PTPRG: variants seen among roughly 807,000 people sequenced by gnomAD.
PTPRG encodes the protein receptor-type tyrosine-protein phosphatase gamma.
PTPRG carries 102 observed loss-of-function variants against 165.3 expected under a neutral mutation model. That is an observed-to-expected ratio of 0.62 (90% CI 0.53 to 0.73). The LOEUF is 0.73. Among genes scored for constraint, PTPRG ranks in the 30% least tolerant of loss-of-function variants. The pLI, the probability that PTPRG is intolerant of heterozygous loss-of-function variation, is 0.00. For synonymous variants in PTPRG, 675 were observed against 669.5 expected (o/e 1.01, Z -0.13); for missense variants, 1,866 against 1,861.4 (o/e 1.00, Z -0.05).
chr3:62,275,978 A>C lies in PTPRG; in HGVS notation c.3559+12A>C. The C allele has an allele frequency of 1.3e-6, 2 of 1,580,116 alleles. No homozygotes were observed. Among genetic ancestry groups the C allele is most frequent in the Non-Finnish European group, 1.7e-6 (2 of 1,151,610 alleles). ...TTCAGTTGTGCCATGTAAGACTTTA[A>C]AACAGTTTGTTAGTGATCTTTTATA... is the stretch of plus-strand genomic sequence containing the variant. On this transcript the variant is annotated intron_variant, in intron 24 of 29. Coordinates refer to ENST00000474889, the MANE Select transcript of PTPRG (RefSeq NM_002841.4).
intron 2 of PTPRG, among the ~76,000 whole-genome samples, chr3:61,909,537 A>T (rs1004949821): frequency 1.3e-5 from 2 of 151,990 alleles, no homozygotes; most frequent in African/African-American, 4.8e-5. Flanking sequence ...TTTTTGTAGC[A>T]ATACAGTCTC....
intron 2 of PTPRG, among the ~76,000 whole-genome samples, chr3:61,931,140 T>G (rs2039351771): frequency 6.6e-6 from 1 of 152,098 alleles, no homozygotes. Context: ...AACCTGATCT[T>G]CTCTGTTTGC....
chr3:61,673,804 G>A (rs1703116920), intron 1 of PTPRG, among the ~76,000 whole-genome samples: 1 of 152,150 alleles, frequency 6.6e-6, no homozygotes, highest in Admixed American at 6.5e-5. Flanking sequence ...GGAGTAAGAA[G>A]AATGTACATT....
chr3:62,209,456 G>A (rs1287968074), intron 12 of PTPRG, among the ~76,000 whole-genome samples: 1 of 152,164 alleles, frequency 6.6e-6, no homozygotes, highest in Non-Finnish European at 1.5e-5. Flanking sequence ...ACCAGTACAG[G>A]TTCATGCAGA....
At chr3:61,999,044 G>T (rs1575868945) in intron 3 of PTPRG, among the ~76,000 whole-genome samples, 1 of 152,056 alleles carries the variant, frequency 6.6e-6, no homozygotes, top group East Asian at 1.9e-4. Flanking sequence ...CTGGCTGGAG[G>T]CCTCTTTTTT....
chr3:62,065,481 G>A, intron 4 of PTPRG, among the ~76,000 whole-genome samples: 1 of 152,190 alleles, frequency 6.6e-6, no homozygotes, highest in Non-Finnish European at 1.5e-5. Context: ...CTTTCAGGGG[G>A]CTTGCAGCCC....
intron 6 of PTPRG, among the ~76,000 whole-genome samples, chr3:62,135,764 G>A (rs1703686232): frequency 6.6e-6 from 1 of 152,148 alleles, no homozygotes; most frequent in African/African-American, 2.4e-5. Context: ...GCCACGCATA[G>A]TGCAGGTCTG....
In PTPRG at chr3:61,590,617, C is replaced by T. The variant is rs140282473; in HGVS notation, c.85+28245C>T. On this transcript the variant is annotated intron_variant, in intron 1 of 29. Coordinates refer to ENST00000474889, the MANE Select transcript of PTPRG (RefSeq NM_002841.4). ...TGACTACTTCCCTCTTGTCCTGCTG[C>T]CCTAGAGTATGAAGAGATTTGAATA... Among the ~76,000 whole-genome samples the T allele has an allele frequency of 3.3e-3, 505 of 152,218 alleles. 1 individual carries two copies. Among genetic ancestry groups the T allele is most frequent in the Non-Finnish European group, 5.0e-3 (342 of 68,026 alleles).
intron 8 of PTPRG, among the ~76,000 whole-genome samples, chr3:62,179,356 G>C (rs1419064979): frequency 6.6e-6 from 1 of 152,194 alleles, no homozygotes; most frequent in Non-Finnish European, 1.5e-5. Flanking sequence ...AGCACTGGCT[G>C]GGACCGAAAT....
At chr3:61,785,220 G>C (rs971319826) in intron 2 of PTPRG, among the ~76,000 whole-genome samples, 7 of 152,150 alleles carry the variant, frequency 4.6e-5, no homozygotes, top group African/African-American at 1.4e-4. Flanking sequence ...ATGCTCTTAG[G>C]GGGAGGACAA....
intron 12 of PTPRG, among the ~76,000 whole-genome samples, chr3:62,208,973 A>G (rs558792494): frequency 5.3e-4 from 81 of 152,348 alleles, no homozygotes; most frequent in Admixed American, 9.8e-4. Context: ...ATGGCAAGAC[A>G]GAGCCCAAAT....
chr3:61,683,587 T>C (rs756017567), intron 1 of PTPRG, among the ~76,000 whole-genome samples: 5 of 152,252 alleles, frequency 3.3e-5, no homozygotes, highest in Non-Finnish European at 5.9e-5. Flanking sequence ...AAAACCATGG[T>C]TGCAGTAGCC....
intron 10 of PTPRG, 114 bp from the exon 11 acceptor site, chr3:62,201,388 GAAT>G (rs1700092672): frequency 3.6e-6 from 3 of 829,696 alleles, no homozygotes; most frequent in African/African-American, 1.7e-5. Flanking sequence ...AAAATCTACA[GAAT>G]AATATTTTGA....
chr3:61,701,144 G>T (rs75751872), intron 1 of PTPRG, among the ~76,000 whole-genome samples: 1,750 of 152,202 alleles, frequency 0.011, 39 homozygotes, highest in African/African-American at 0.039. Flanking sequence ...GTGTTTTCAC[G>T]GAGTAGTCCA....
At chr3:62,270,958 C>T (rs1236546887) in intron 20 of PTPRG, among the ~76,000 whole-genome samples, 1 of 152,060 alleles carries the variant, frequency 6.6e-6, no homozygotes, top group Admixed American at 6.5e-5. Context: ...CAGCAACAAG[C>T]ACTCTGGCTC....
intron 4 of PTPRG, among the ~76,000 whole-genome samples, chr3:62,018,452 C>G (rs1273517351): frequency 6.6e-6 from 1 of 152,132 alleles, no homozygotes; most frequent in Admixed American, 6.5e-5. Context: ...GAACTGGAGT[C>G]AAATAATAGA....
At chr3:61,757,424 G>T (rs1007688581) in intron 2 of PTPRG, among the ~76,000 whole-genome samples, 6 of 151,470 alleles carry the variant, frequency 4.0e-5, no homozygotes, top group Non-Finnish European at 8.8e-5. Flanking sequence ...TTGAGGGGGA[G>T]AAAAAGAAAA....
intron 19 of PTPRG, 37 bp downstream of exon 19, chr3:62,267,856 C>A: frequency 1.3e-6 from 2 of 1,599,208 alleles, no homozygotes; most frequent in Admixed American, 1.7e-5. Context: ...AATAATGCAC[C>A]TTCATTCAAA....
Position 62,125,861 on chromosome 3 carries a change from C to T in PTPRG, c.616-6741C>T, listed in dbSNP as rs551954202. 7.9e-5 allele frequency among the ~76,000 whole-genome samples: 12 copies of T among 152,148 alleles called. No homozygotes were observed. The South Asian group carries it at 2.5e-3, about 32-fold the overall frequency. On this transcript the variant is annotated intron_variant, in intron 5 of 29. Transcript: ENST00000474889. Reference sequence around the variant, plus strand: ...GGGGTGGGACAGACAGGTTCTGGGACCCCGGCTTGAAATGCTGTAAAGCCT... The same window carrying T: ...GGGGTGGGACAGACAGGTTCTGGGATCCCGGCTTGAAATGCTGTAAAGCCT...
Sources: gnomAD v4.1 joint callset for allele counts (sites outside exome capture counted in the v4.1 genomes callset) on GRCh38, gnomAD v4.1.1 for gene constraint, MANE v1.5 for transcripts, NCBI Gene and HGNC (gene_info 2026-07-23, HGNC 2026-07-21) for gene names.